Variants in IQANK1 observed in about 807,000 individuals in gnomAD.
IQANK1 encodes IQ motif and ankyrin repeat domain-containing protein 1.
Under a neutral mutation model 22.6 loss-of-function variants are expected in IQANK1, and 30 were observed. That is an observed-to-expected ratio of 1.33 (90% confidence interval 0.99 to 1.80). The LOEUF is 1.80. Among genes scored for constraint, IQANK1 ranks in the 40% most tolerant of loss-of-function variants. The pLI, the probability that IQANK1 is intolerant of heterozygous loss-of-function variation, is 0.00. For synonymous variants in IQANK1, 122 were observed against 99.6 expected (o/e 1.23, Z -1.34); for missense variants, 275 against 235.2 (o/e 1.17, Z -1.11).
chr8:143,776,327 C>CAAA (rs57571355), intron 7 of IQANK1, among the ~76,000 whole-genome samples: 37 of 105,630 alleles, frequency 3.5e-4, no homozygotes, highest in South Asian at 1.0e-3. Context: ...GACTCCGTCT[C>CAAA]AAAAAAAAAA....
chr8:143,741,537 T>C (rs1438383943), intron 3 of IQANK1, among the ~76,000 whole-genome samples: 1 of 152,188 alleles, frequency 6.6e-6, no homozygotes, highest in Non-Finnish European at 1.5e-5. Context: ...GGGGGGATTC[T>C]ACACATGTGC....
chr8:143,742,461 C>T lies in IQANK1; in HGVS notation c.175+2513C>T, dbSNP rs966219553. The T allele has an allele frequency of 4.8e-5, 22 of 455,914 alleles. No individual in the cohort carries two copies. In the East Asian group the frequency reaches 1.3e-3, roughly 26 times the overall value. The allele number at this position is 455,914 out of a possible 1,614,324, so 28.2% of individuals were successfully genotyped here. On this transcript the variant is annotated intron_variant, in intron 3 of 13. Coordinates refer to ENST00000527139, the MANE Select transcript of IQANK1 (RefSeq NM_001381874.1). ...ATCTGAGCTGCAAAAGGGGCGAATG[C>T]GATGTAGACACTTGGGCCCCGGGAC...
chr8:143,771,438 G>C lies in IQANK1; in HGVS notation c.176-50G>C, dbSNP rs1280435505. ...CGGCTCCACTCCCAGGGGCGCAGCA[G>C]GCGTGGCTGGAGGCGAGAACGCGCC... On this transcript the variant is annotated intron_variant, in intron 3 of 13. Coordinates refer to ENST00000527139, the MANE Select transcript of IQANK1 (RefSeq NM_001381874.1). The surrounding 1 kb of genome is among the most constrained non-coding windows in gnomAD (Gnocchi z 6.0). 2.5e-6 allele frequency: 1 copy of C among 396,532 alleles called. No homozygotes were observed. The allele number at this position is 396,532 out of a possible 1,614,324, so 24.6% of individuals were successfully genotyped here.
rs1554626200 is a variant in IQANK1 at position 143,739,877 on chromosome 8, G to A, written c.104G>A (p.Arg35His). 1.0e-5 allele frequency: 7 copies of A among 695,110 alleles called. No individual in the cohort carries two copies. In the East Asian group the frequency reaches 1.6e-4, roughly 16 times the overall value. 43.1% of individuals were successfully genotyped at this position (695,110 alleles called of 1,614,324 possible). The stretch of plus-strand genomic sequence containing the variant: ...CCCTTAGGGAAGCCCGGGGAGAACC[G>A]CCCGCCGCAGAGGAAAGCGGGCTGG... The part of the protein sequence containing the change: ...RAAAGKPGEN[R>H]PPQRKAGWQA... The change falls in exon 3 of 14, where the codon CGC (arginine) becomes CAC (histidine). Residue 35 changes from arginine to histidine, a missense_variant. By Grantham distance (29) the Arg-to-His change is conservative. Coordinates refer to ENST00000527139, the MANE Select transcript of IQANK1 (RefSeq NM_001381874.1).
chr8:143,740,530 C>T lies in IQANK1; in HGVS notation c.175+582C>T, dbSNP rs376652325. Among the ~76,000 whole-genome samples, 142 of 152,390 alleles carry T rather than the reference C, an allele frequency of 9.3e-4. 2 individuals are homozygous for T. The highest frequency in any genetic ancestry group is 3.1e-3 in the African/African-American group (130 of 41,594). ...CCCTCACTGCTCATTCTGTCCTCGC[C>T]GCTGCCTGCCCTCCTGCTTCTGCGC... On this transcript the variant is annotated intron_variant, in intron 3 of 13. Transcript: ENST00000527139.
intron 3 of IQANK1, among the ~76,000 whole-genome samples, chr8:143,743,627 TC>T (rs1192901772): frequency 2.0e-5 from 3 of 152,164 alleles, no homozygotes; most frequent in African/African-American, 7.2e-5. Flanking sequence ...TTGGGTGTGT[TC>T]CTTAAGCTGA....
intron 3 of IQANK1, among the ~76,000 whole-genome samples, chr8:143,767,241 C>T (rs782363694): frequency 6.6e-5 from 10 of 152,294 alleles, no homozygotes; most frequent in Non-Finnish European, 1.0e-4. Context: ...GCTCAATGTG[C>T]GGAGAGTATC....
At chr8:143,775,787 T>TACACGCACACACACACACAC (rs1554630331) in intron 7 of IQANK1, among the ~76,000 whole-genome samples, 20 of 129,506 alleles carry the variant, frequency 1.5e-4, no homozygotes, top group African/African-American at 5.3e-4. Flanking sequence ...ATAGCTGTAT[T>TACACGCACACACACACACAC]ACACACACAC....
At chr8:143,747,414 G>A (rs1819052680) in intron 3 of IQANK1, among the ~76,000 whole-genome samples, 2 of 151,994 alleles carry the variant, frequency 1.3e-5, no homozygotes, top group Non-Finnish European at 1.5e-5. Context: ...TTTGGCTTTA[G>A]TTTGGTCTTC....
intron 3 of IQANK1, chr8:143,744,540 C>T (rs1818991048): frequency 6.6e-6 from 1 of 152,172 alleles, no homozygotes; most frequent in Non-Finnish European, 1.5e-5. Context: ...TCTCACTGGC[C>T]CTGCTGCCTC....
chr8:143,740,787 C>T (rs1818888833), intron 3 of IQANK1, among the ~76,000 whole-genome samples: 1 of 152,240 alleles, frequency 6.6e-6, no homozygotes, highest in African/African-American at 2.4e-5. Flanking sequence ...ACCCCACCAC[C>T]CCGCCCCAGG....
chr8:143,786,317 G>A (rs1819888365), intron 7 of IQANK1, among the ~76,000 whole-genome samples: 3 of 152,214 alleles, frequency 2.0e-5, no homozygotes, highest in African/African-American at 7.2e-5. Flanking sequence ...TTGAAGCTAA[G>A]CTGAAGTCAA....
intron 3 of IQANK1, among the ~76,000 whole-genome samples, chr8:143,740,218 G>A (rs1818868498): frequency 6.6e-6 from 1 of 151,962 alleles, no homozygotes; most frequent in Non-Finnish European, 1.5e-5. Context: ...TGGCCTCTCG[G>A]GAAGACCCTA....
chr8:143,775,669 G>A (rs1044817984), intron 7 of IQANK1, among the ~76,000 whole-genome samples: 1 of 151,848 alleles, frequency 6.6e-6, no homozygotes, highest in East Asian at 1.9e-4. Context: ...GGCTGAGAGA[G>A]GAGAAGTGCT....
Position 143,788,996 on chromosome 8 carries a change from G to C in IQANK1, c.871G>C (p.Ala291Pro). Residue 291 changes from alanine to proline, a missense_variant, in exon 8 of 14, where the codon GCT becomes CCT. By Grantham distance (27) the Ala-to-Pro change is conservative. Transcript: ENST00000527139. Reference sequence around the variant, plus strand: ...GGAGGCCATGCTCCAGAACATGGAGGCTGAGCAGCAGCGCCGGGCCCAGGA... The same window carrying C: ...GGAGGCCATGCTCCAGAACATGGAGCCTGAGCAGCAGCGCCGGGCCCAGGA... Reference protein sequence around the residue: ...LTEAMLQNMEAEQQRRAQEAQ... With the variant: ...LTEAMLQNMEPEQQRRAQEAQ... 2.5e-6 allele frequency: 1 copy of C among 400,046 alleles called. No homozygotes were observed. Among genetic ancestry groups the C allele is most frequent in the Non-Finnish European group, 4.4e-6 (1 of 226,816 alleles). The allele number at this position is 400,046 out of a possible 1,614,324, so 24.8% of individuals were successfully genotyped here.
intron 3 of IQANK1, among the ~76,000 whole-genome samples, chr8:143,750,554 G>T (rs1328518411): frequency 1.3e-5 from 2 of 152,150 alleles, no homozygotes; most frequent in Non-Finnish European, 2.9e-5. Flanking sequence ...GATAAGGAGA[G>T]ACTGGGCACA....
Position 143,735,530 on chromosome 8 carries a change from G to T in IQANK1, c.-4-320G>T, listed in dbSNP as rs1005608356. On this transcript the variant is annotated intron_variant, in intron 1 of 13. Transcript: ENST00000527139. This position sits in a 1 kb window ranked among gnomAD's most constrained non-coding sequence, Gnocchi z 5.2. ...CGGCCCACTGGCAACCCAGCAGCTT[G>T]GGGCAGGGAGAAGAGTGCTAGACTC... 6.6e-6 allele frequency among the ~76,000 whole-genome samples: 1 copy of T among 152,166 alleles called. No individual in the cohort carries two copies. The highest frequency in any genetic ancestry group is 1.5e-5 in the Non-Finnish European group (1 of 68,012).
chr8:143,790,051 C>T lies in IQANK1; in HGVS notation c.1276C>T (p.Arg426Cys), dbSNP rs782414258. The T allele has an allele frequency of 1.9e-4, 236 of 1,231,984 alleles. No individual in the cohort carries two copies. The highest frequency in any genetic ancestry group is 2.2e-4 in the Non-Finnish European group (221 of 988,010). The allele number at this position is 1,231,984 out of a possible 1,614,324, so 76.3% of individuals were successfully genotyped here. A position where few individuals can be genotyped will look rare whatever the true frequency, so the allele number is the denominator to read the frequency against. ...GATGAAAGATGTAGGCAACCGCATC[C>T]GTGCCGATGGCCGGTCAGTTCTCCG... ...VLMKDVGNRI[R>C]ADGRWPLVID... is the part of the protein sequence containing the mutation. The change falls in exon 12 of 14, where the codon CGT becomes TGT. Residue 426 changes from arginine to cysteine, a missense_variant. Coordinates refer to ENST00000527139, the MANE Select transcript of IQANK1 (RefSeq NM_001381874.1).
chr8:143,779,623 T>TTA (rs1819757773), intron 7 of IQANK1, among the ~76,000 whole-genome samples: 1 of 152,234 alleles, frequency 6.6e-6, no homozygotes, highest in African/African-American at 2.4e-5. Flanking sequence ...AGTTTACTCG[T>TTA]TATATTATCC....
Sources: gnomAD v4.1 joint callset for allele counts (sites outside exome capture counted in the v4.1 genomes callset) on GRCh38, gnomAD v4.1.1 for gene constraint, Gnocchi (gnomAD v3.1) non-coding constraint, MANE v1.5 for transcripts, NCBI Gene and HGNC (gene_info 2026-07-23, HGNC 2026-07-21) for gene names.